Variants in APAF1 observed in about 807,000 individuals in gnomAD.
APAF1 encodes the protein apoptotic protease-activating factor 1.
In APAF1, 91 loss-of-function variants were observed where a neutral mutation model predicts 152.4. That is an observed-to-expected ratio of 0.60 (90% confidence interval 0.50 to 0.71). The LOEUF (loss-of-function observed/expected upper bound fraction) is 0.71. Ranked by LOEUF, APAF1 falls within the 30% of genes least tolerant of loss-of-function variation. The pLI, the probability that APAF1 is intolerant of heterozygous loss-of-function variation, is 0.00. For missense variants in APAF1, 1,283 were observed against 1,472.0 expected, an observed-to-expected ratio of 0.87 and a Z score of 2.10; for synonymous variants, 484 against 494.1, an observed-to-expected ratio of 0.98 and a Z score of 0.27.
At chr12:98,723,792 A>G in intron 24 of APAF1, 28 bp downstream of exon 24, 1 of 1,612,944 alleles carries the variant, frequency 6.2e-7, no homozygotes, top group Non-Finnish European at 8.5e-7. Flanking sequence ...AACCATGCAT[A>G]AAACTTTGGT....
intron 7 of APAF1, among the ~76,000 whole-genome samples, chr12:98,664,204 A>G (rs75011174): frequency 6.6e-6 from 1 of 151,060 alleles, no homozygotes; most frequent in African/African-American, 2.4e-5. Context: ...GTTTTAGTAG[A>G]GATGGGGTTT....
chr12:98,705,910 C>T (rs1039669869), intron 18 of APAF1, among the ~76,000 whole-genome samples: 9 of 152,222 alleles, frequency 5.9e-5, no homozygotes, highest in African/African-American at 1.9e-4. Context: ...TTTTATAATG[C>T]GTTATATTCA....
chr12:98,665,278 A>ATATATATT lies in APAF1; in HGVS notation c.956-274_956-273insATATATTT, dbSNP rs1491316422. Among the ~76,000 whole-genome samples the ATATATATT allele has an allele frequency of 6.2e-4, 41 of 65,980 alleles. 1 individual carries two copies. Among genetic ancestry groups the ATATATATT allele is most frequent in the Non-Finnish European group, 7.9e-4 (27 of 34,096 alleles). 43.3% of individuals were successfully genotyped at this position (65,980 alleles called of 152,430 possible). The stretch of plus-strand genomic sequence containing the variant: ...CGCATATATATATATATATATATAT[A>ATATATATT]TTTTTTTTTTTTTTTGTAATGACAT... On this transcript the variant is annotated intron_variant, in intron 7 of 26. Coordinates refer to ENST00000551964, the MANE Select transcript of APAF1 (RefSeq NM_181861.2).
At chr12:98,670,935 C>T in intron 10 of APAF1, 38 bp from the exon 11 acceptor site, 5 of 1,356,758 alleles carry the variant, frequency 3.7e-6, no homozygotes, top group Non-Finnish European at 5.3e-6. Context: ...TTTTTGATCT[C>T]TAACAGTGCT....
chr12:98,732,107 A>T (rs2097762842), intron 26 of APAF1, among the ~76,000 whole-genome samples: 1 of 151,954 alleles, frequency 6.6e-6, no homozygotes, highest in South Asian at 2.1e-4. Flanking sequence ...CAGACAAGAG[A>T]GTTGAGTCTG....
intron 21 of APAF1, among the ~76,000 whole-genome samples, 193 bp from the exon 22 acceptor site, chr12:98,715,234 G>GTGTATATA (rs2097732837): frequency 3.4e-5 from 2 of 58,326 alleles, no homozygotes; most frequent in Non-Finnish European, 6.2e-5. Context: ...TACATGGTGT[G>GTGTATATA]CATATATATA....
intron 22 of APAF1, among the ~76,000 whole-genome samples, chr12:98,719,825 C>T (rs2097739982): frequency 1.3e-5 from 2 of 152,032 alleles, no homozygotes; most frequent in Non-Finnish European, 2.9e-5. Context: ...TGCATATGTT[C>T]AGTGGAAATT....
intron 4 of APAF1, among the ~76,000 whole-genome samples, chr12:98,654,970 C>A (rs1453571248): frequency 4.9e-5 from 6 of 122,668 alleles, no homozygotes; most frequent in African/African-American, 1.9e-4. Context: ...GGCAGAGGAC[C>A]CTGCGGCCTT....
chr12:98,699,364 T>C (rs763444312), intron 16 of APAF1, 44 bp from the exon 17 acceptor site: 1 of 1,582,930 alleles, frequency 6.3e-7, no homozygotes, highest in Non-Finnish European at 8.6e-7. Context: ...AGTGTGATTA[T>C]AGAGTAAAAC....
intron 19 of APAF1, among the ~76,000 whole-genome samples, chr12:98,707,705 TATATATAC>T (rs1419901293): frequency 1.3e-5 from 2 of 149,840 alleles, no homozygotes; most frequent in Non-Finnish European, 3.0e-5. Flanking sequence ...TATATATATA[TATATATAC>T]ATATAAATTT....
At chr12:98,678,596 C>T (rs1424336233) in intron 13 of APAF1, among the ~76,000 whole-genome samples, 1 of 152,254 alleles carries the variant, frequency 6.6e-6, no homozygotes, top group Non-Finnish European at 1.5e-5. Flanking sequence ...ACCCCTTCCC[C>T]CTGGTGCAGC....
intron 1 of APAF1, among the ~76,000 whole-genome samples, chr12:98,647,189 G>C (rs1202404252): frequency 6.6e-6 from 1 of 151,416 alleles, no homozygotes; most frequent in Non-Finnish European, 1.5e-5. Flanking sequence ...GCTGTGGCGG[G>C]TGGATCACCT....
rs1157270607 is a variant in APAF1, at chr12:98,734,961, T to G, written c.*2395T>G. The stretch of plus-strand genomic sequence containing the variant: ...GAATGGCCCTTGTCTTAAAAAGAAA[T>G]TAGGAGCCAGGTGCGGTGGCACGTG... On this transcript the variant is annotated 3_prime_UTR_variant, in exon 27 of 27. Coordinates refer to ENST00000551964, the MANE Select transcript of APAF1 (RefSeq NM_181861.2). 1 of 374,878 alleles carries G rather than the reference T, an allele frequency of 2.7e-6. No homozygotes were observed. The highest frequency in any genetic ancestry group is 2.1e-5 in the African/African-American group (1 of 48,130). The allele number at this position is 374,878 out of a possible 1,614,324, so 23.2% of individuals were successfully genotyped here.
chr12:98,689,495 T>TGA lies in APAF1; in HGVS notation c.2304+2631_2304+2632dup, dbSNP rs61061691. Among the ~76,000 whole-genome samples the TGA allele has an allele frequency of 5.9e-3, 889 of 151,076 alleles. 4 individuals carry two copies. Among genetic ancestry groups the TGA allele is most frequent in the Non-Finnish European group, 9.4e-3 (634 of 67,660 alleles). On this transcript the variant is annotated intron_variant, in intron 16 of 26. Transcript: ENST00000551964. ...GTGTCTGTGTGTGTGTGTGTGTGTG[T>TGA]GAGAGAGAGACACAGGGTCTTACTT...
At chr12:98,712,497 T>G in intron 21 of APAF1, 62 bp downstream of exon 21, 1 of 964,040 alleles carries the variant, frequency 1.0e-6, no homozygotes, top group Non-Finnish European at 1.7e-6. Flanking sequence ...ATTATATGTC[T>G]GGCATTGTGC....
At chr12:98,664,253 G>A (rs553910376) in intron 7 of APAF1, among the ~76,000 whole-genome samples, 4 of 151,866 alleles carry the variant, frequency 2.6e-5, no homozygotes, top group African/African-American at 7.2e-5. Context: ...TCCTGACCTC[G>A]TGATCCACCT....
At position 98,686,942 on chromosome 12, in the gene APAF1, A is replaced by G. The variant is rs2097698640; in HGVS notation, c.2304+69A>G. On this transcript the variant is annotated intron_variant, in intron 16 of 26. Transcript: ENST00000551964. Reference sequence around the variant, plus strand: ...AGTCTTATGATTTGATTATAGAAATAGGTTTCTGTTTTTTCACATTTCTAC... The same window carrying G: ...AGTCTTATGATTTGATTATAGAAATGGGTTTCTGTTTTTTCACATTTCTAC... The G allele has an allele frequency of 7.3e-6, 11 of 1,512,842 alleles. No individual in the cohort carries two copies. The South Asian group carries it at 1.2e-4, about 16-fold the overall frequency. 93.7% of individuals were successfully genotyped at this position (1,512,842 alleles called of 1,614,324 possible). A position where few individuals can be genotyped will look rare whatever the true frequency, so the allele number is the denominator to read the frequency against.
chr12:98,734,653 C>T lies in APAF1; in HGVS notation c.*2087C>T, dbSNP rs1286904946. The T allele has an allele frequency of 6.6e-6, 1 of 152,602 alleles. No homozygotes were observed. The highest frequency in any genetic ancestry group is 1.5e-5 in the Non-Finnish European group (1 of 68,046). 9.5% of individuals were successfully genotyped at this position (152,602 alleles called of 1,614,324 possible). Reference sequence around the variant, plus strand: ...AATCATAAATACAGTGAATACAATCCTTTGCATTGTTAAGGAGGTTTTTTG... The same window carrying T: ...AATCATAAATACAGTGAATACAATCTTTTGCATTGTTAAGGAGGTTTTTTG... On this transcript the variant is annotated 3_prime_UTR_variant, in exon 27 of 27. Transcript: ENST00000551964.
intron 3 of APAF1, chr12:98,649,072 A>G: frequency 1.3e-6 from 1 of 795,500 alleles, no homozygotes; most frequent in South Asian, 2.0e-5. Context: ...AAGACAATTT[A>G]TAGGCCCTTG....
Sources: allele counts gnomAD v4.1 joint callset (sites outside exome capture counted in the v4.1 genomes callset), GRCh38; gene constraint gnomAD v4.1.1; transcripts MANE v1.5; gene names NCBI Gene and HGNC (gene_info 2026-07-23, HGNC 2026-07-21).